Variants in RIN2 observed in about 807,000 individuals in gnomAD.
The protein encoded by RIN2 is Ras and Rab interactor 2.
RIN2 carries 36 observed loss-of-function variants against 78.0 expected under a neutral mutation model. The observed-to-expected ratio is 0.46, with a 90% CI of 0.35 to 0.61. The LOEUF is 0.61. Among genes scored for constraint, RIN2 ranks in the 20% least tolerant of loss-of-function variants. The pLI is 0.00. For synonymous variants in RIN2, 466 were observed against 466.8 expected (o/e 1.00, Z 0.02); for missense variants, 1,087 against 1,159.7 (o/e 0.94, Z 0.91).
At chr20:19,774,748 G>A (rs1377494651) in intron 1 of RIN2, among the ~76,000 whole-genome samples, 2 of 152,290 alleles carry the variant, frequency 1.3e-5, no homozygotes, top group South Asian at 2.1e-4. Flanking sequence ...TTGTGAATAG[G>A]ATGATGTAAT....
At chr20:19,965,227 C>T (rs976379239) in intron 7 of RIN2, among the ~76,000 whole-genome samples, 3 of 152,126 alleles carry the variant, frequency 2.0e-5, no homozygotes, top group African/African-American at 7.2e-5. Flanking sequence ...AAACGACTAT[C>T]CCAACCCCTC....
chr20:19,778,049 T>C (rs1727771251), intron 1 of RIN2, among the ~76,000 whole-genome samples: 1 of 152,254 alleles, frequency 6.6e-6, no homozygotes, highest in African/African-American at 2.4e-5. Flanking sequence ...GGAGTCCACC[T>C]GAATATATTT....
chr20:19,873,389 G>A (rs1197854478), intron 2 of RIN2, among the ~76,000 whole-genome samples: 2 of 152,162 alleles, frequency 1.3e-5, no homozygotes, highest in African/African-American at 2.4e-5. Context: ...GCCTGCCAAT[G>A]TGCTGGAATT....
At chr20:19,841,053 C>T (rs1489852140) in intron 2 of RIN2, among the ~76,000 whole-genome samples, 3 of 152,172 alleles carry the variant, frequency 2.0e-5, no homozygotes, top group South Asian at 2.1e-4. Context: ...TTCAATCCCT[C>T]GTTAACTACC....
chr20:19,802,023 C>T (rs896201507), intron 2 of RIN2, among the ~76,000 whole-genome samples: 1 of 152,104 alleles, frequency 6.6e-6, no homozygotes, highest in Non-Finnish European at 1.5e-5. Flanking sequence ...CTCTGAGATA[C>T]GATATTTCAT....
intron 8 of RIN2, among the ~76,000 whole-genome samples, chr20:19,971,169 G>A (rs2042094768): frequency 6.7e-6 from 1 of 149,414 alleles, no homozygotes; most frequent in Admixed American, 6.6e-5. Flanking sequence ...CCAGTGTAGT[G>A]CATCTCGCGT....
intron 2 of RIN2, among the ~76,000 whole-genome samples, chr20:19,859,132 T>C (rs760678988): frequency 7.1e-4 from 108 of 152,302 alleles, no homozygotes; most frequent in Non-Finnish European, 7.8e-4. Context: ...ATGTTGGGAC[T>C]ACATTGATGA....
At chr20:19,894,729 C>G (rs906977889) in intron 3 of RIN2, among the ~76,000 whole-genome samples, 1 of 152,064 alleles carries the variant, frequency 6.6e-6, no homozygotes, top group Non-Finnish European at 1.5e-5. Flanking sequence ...ACCTCTTTTT[C>G]GTCATTATCC....
intron 11 of RIN2, 125 bp downstream of exon 11, chr20:19,992,424 A>C (rs2042824272): frequency 1.1e-6 from 1 of 911,356 alleles, no homozygotes; most frequent in Non-Finnish European, 1.6e-6. Flanking sequence ...GGCATTTAGT[A>C]TATTCACAAT....
intron 2 of RIN2, among the ~76,000 whole-genome samples, chr20:19,883,680 C>G (rs757586130): frequency 2.0e-5 from 3 of 152,064 alleles, no homozygotes; most frequent in Non-Finnish European, 4.4e-5. Context: ...AGGAGCCCAC[C>G]TGTTGCCCTC....
In RIN2 at chr20:19,990,244, G is replaced by A. The variant is rs35151304; in HGVS notation, c.2001G>A (p.Pro667=). Residue 667 remains proline (P), a synonymous_variant, in exon 10 of 13, where the codon CCG becomes CCA. Coordinates refer to ENST00000255006, the MANE Select transcript of RIN2 (RefSeq NM_018993.4). The part of the protein sequence containing the change: ...KFMTMQKMYS[P]EKKVMLLLRV... ...TGACCATGCAGAAGATGTATTCGCCGGAAAAGAAGGTCATGCTGCTGCTGC... is the reference window on the plus strand; with the variant it reads ...TGACCATGCAGAAGATGTATTCGCCAGAAAAGAAGGTCATGCTGCTGCTGC... 141,155 of 1,613,190 alleles carry A rather than the reference G, an allele frequency of 0.088. 6,870 individuals are homozygous for A. Among genetic ancestry groups the A allele is most frequent in the Non-Finnish European group, 0.1 (117,475 of 1,179,574 alleles).
chr20:19,957,414 C>T (rs1395816246), intron 5 of RIN2, among the ~76,000 whole-genome samples: 5 of 152,322 alleles, frequency 3.3e-5, no homozygotes, highest in Admixed American at 2.0e-4. Flanking sequence ...CGGTGGCTCA[C>T]GCCTGTAATC....
intron 2 of RIN2, among the ~76,000 whole-genome samples, chr20:19,851,044 AGGAAGG>A: frequency 2.8e-5 from 2 of 70,614 alleles, no homozygotes; most frequent in African/African-American, 9.4e-5. Flanking sequence ...GAAGGAAGGA[AGGAAGG>A]AGAAAGAAAG....
At chr20:19,955,362 G>T (rs2041491071) in intron 4 of RIN2, among the ~76,000 whole-genome samples, 1 of 151,494 alleles carries the variant, frequency 6.6e-6, no homozygotes. Flanking sequence ...TTGAGACAGG[G>T]CCTCACTCCT....
At chr20:19,987,507 T>C (rs778840862) in intron 9 of RIN2, among the ~76,000 whole-genome samples, 103 of 152,340 alleles carry the variant, frequency 6.8e-4, no homozygotes, top group Non-Finnish European at 1.3e-3. Context: ...ATCAAGCCAT[T>C]AGTCATCTCT....
rs369430457 is a variant in RIN2 at position 19,964,962 on chromosome 20, G to A, written c.474G>A (p.Leu158=). ...AIKESTYTFS[L]EGSGISFADL... ...AAATCTCTTTTCCAGCCTTTTCCCT[G>A]GAAGGCTCAGGAATCAGTTTCGCAG... The change falls in exon 7 of 13, where the codon CTG becomes CTA. Residue 158 remains leucine, a synonymous_variant. Coordinates refer to ENST00000255006, the MANE Select transcript of RIN2 (RefSeq NM_018993.4). 7.4e-6 allele frequency: 12 copies of A among 1,613,336 alleles called. No homozygotes were observed. The African/African-American group carries it at 1.6e-4, about 22-fold the overall frequency.
chr20:19,877,746 C>T (rs2037899971), intron 2 of RIN2, among the ~76,000 whole-genome samples: 2 of 152,072 alleles, frequency 1.3e-5, no homozygotes, highest in South Asian at 4.1e-4. Context: ...GGGCTGGGCA[C>T]AGTGGTTCAT....
intron 1 of RIN2, among the ~76,000 whole-genome samples, chr20:19,760,037 ATTAAC>A (rs1258374662): frequency 6.6e-6 from 1 of 152,220 alleles, no homozygotes; most frequent in Non-Finnish European, 1.5e-5. Flanking sequence ...CAGAGCTTTT[ATTAAC>A]TTTTTACCTA....
chr20:19,860,882 G>GA (rs1328035895), intron 2 of RIN2, among the ~76,000 whole-genome samples: 1 of 152,060 alleles, frequency 6.6e-6, no homozygotes, highest in Non-Finnish European at 1.5e-5. Context: ...AGTGAACGAA[G>GA]AAAAAAGCCA....
Sources: allele counts gnomAD v4.1 joint callset (sites outside exome capture counted in the v4.1 genomes callset), GRCh38; gene constraint gnomAD v4.1.1; transcripts MANE v1.5; gene names NCBI Gene and HGNC (gene_info 2026-07-23, HGNC 2026-07-21).